SAMD11: variants seen among roughly 807,000 people sequenced by gnomAD.
SAMD11 encodes sterile alpha motif domain-containing protein 11.
SAMD11 carries 77 observed loss-of-function variants against 64.4 expected under a neutral mutation model. That is an observed-to-expected ratio of 1.20 (90% CI 0.99 to 1.44). The LOEUF (loss-of-function observed/expected upper bound fraction) is 1.44, where lower values mean the gene tolerates loss of function less well. Among genes scored for constraint, SAMD11 ranks in the 40% most tolerant of loss-of-function variants. SAMD11 has a pLI of 0.00. For synonymous variants in SAMD11, 658 were observed against 421.9 expected (o/e 1.56, Z -6.86); for missense variants, 1,402 against 943.3 (o/e 1.49, Z -6.37).
In SAMD11 at chr1:939,399, C is replaced by T. The variant is rs141207077; in HGVS notation, c.1182C>T (p.Gly394=). Residue 394 remains glycine (G), a synonymous_variant, in exon 7 of 14, where the codon GGC becomes GGT. Coordinates refer to ENST00000616016, the MANE Select transcript of SAMD11 (RefSeq NM_001385641.1). ...ACCCTCAGCGCCTCTACCACCTGGG[C>T]CTCCCCAGCCACGGTGAGGACCCAC... The part of the protein sequence containing the change: ...FEDPQRLYHL[G]LPSHDLLRVR... The T allele has an allele frequency of 6.0e-5, 87 of 1,442,292 alleles. 3 individuals are homozygous for T. In the African/African-American group the frequency reaches 7.2e-4, roughly 12 times the overall value. The allele number at this position is 1,442,292 out of a possible 1,614,324, so 89.3% of individuals were successfully genotyped here.
Position 943,697 on chromosome 1 carries a change from G to C in SAMD11, c.2179-1G>C. The C allele has an allele frequency of 6.4e-7, 1 of 1,568,588 alleles. No homozygotes were observed. The highest frequency in any genetic ancestry group is 8.7e-7 in the Non-Finnish European group (1 of 1,155,646). ...TGACCCTCCCTCCCTCCCCCTTCCA[G>C]GTCTTCAGGGAGCAGGGGATCGACG... On this transcript the variant is annotated splice_acceptor_variant, in intron 12 of 13. Coordinates refer to ENST00000616016, the MANE Select transcript of SAMD11 (RefSeq NM_001385641.1). LOFTEE classifies it high-confidence loss of function.
Position 944,031 on chromosome 1 carries a change from A to C in SAMD11, c.2413A>C (p.Thr805Pro), listed in dbSNP as rs890732763. ...LGTGEQPLSPTTATSPYGGGH... is the reference protein window; with the variant it reads ...LGTGEQPLSPPTATSPYGGGH... Reference sequence around the variant, plus strand: ...CACAGGAGAGCAGCCCTTGTCCCCCACGACGGCCACGTCCCCCTATGGAGG... The same window carrying C: ...CACAGGAGAGCAGCCCTTGTCCCCCCCGACGGCCACGTCCCCCTATGGAGG... Residue 805 changes from threonine to proline, a missense_variant, in exon 14 of 14, where the codon ACG becomes CCG. Coordinates refer to ENST00000616016, the MANE Select transcript of SAMD11 (RefSeq NM_001385641.1). 2 of 1,612,790 alleles carry C rather than the reference A, an allele frequency of 1.2e-6. No homozygotes were observed. Among genetic ancestry groups the C allele is most frequent in the East Asian group, 2.2e-5 (1 of 44,856 alleles).
rs1244664013 is a variant in SAMD11 at position 924,546 on chromosome 1, C to G, written c.115C>G (p.Pro39Ala). 6.6e-6 allele frequency: 1 copy of G among 150,698 alleles called. No individual in the cohort carries two copies. The highest frequency in any genetic ancestry group is 2.4e-5 in the African/African-American group (1 of 41,184). 9.3% of individuals were successfully genotyped at this position (150,698 alleles called of 1,614,324 possible). The change falls in exon 1 of 14, where the codon CCA (proline) becomes GCA (alanine). Residue 39 changes from proline to alanine, a missense_variant. Coordinates refer to ENST00000616016, the MANE Select transcript of SAMD11 (RefSeq NM_001385641.1). ...PLPPLPGYLA[P>A]LPAAAALPPA... ...GCCGCCGCTGCCAGGCTACCTGGCG[C>G]CACTGCCCGCGGCGGCCGCCCTCCC...
Position 941,278 on chromosome 1 carries a change from C to T in SAMD11, c.1330C>T (p.Pro444Ser). Residue 444 changes from proline to serine, a missense_variant, in exon 8 of 14, where the codon CCA becomes TCA. Transcript: ENST00000616016. ...GGCTCAGCACCGGGAGGGCGCCGCC[C>T]CAGCTGCCGCCCCGTCCTTCTCGGA... ...GLAQHREGAA[P>S]AAAPSFSERE... The T allele has an allele frequency of 6.3e-7, 1 of 1,595,022 alleles. No individual in the cohort carries two copies. Among genetic ancestry groups the T allele is most frequent in the Non-Finnish European group, 8.5e-7 (1 of 1,171,168 alleles).
intron 2 of SAMD11, among the ~76,000 whole-genome samples, chr1:926,814 C>T (rs374581713): frequency 1.3e-5 from 2 of 152,118 alleles, no homozygotes; most frequent in Admixed American, 6.5e-5. Flanking sequence ...CAATTAGGGC[C>T]ATGGCTGCTG....
At chr1:936,303 G>A (rs4504834) in intron 5 of SAMD11, among the ~76,000 whole-genome samples, 3,102 of 7,150 alleles carry the variant, frequency 0.43, 706 homozygotes, top group East Asian at 0.72. Context: ...CCTGGACGGA[G>A]GGGGTCCCCG....
At chr1:928,890 G>C (rs764598423) in intron 2 of SAMD11, among the ~76,000 whole-genome samples, 9 of 152,216 alleles carry the variant, frequency 5.9e-5, no homozygotes, top group Non-Finnish European at 1.0e-4. Flanking sequence ...GGTGGTTCTA[G>C]GTCTGAGGAG....
At chr1:930,750 G>C (rs1243779055) in intron 3 of SAMD11, among the ~76,000 whole-genome samples, 1 of 152,274 alleles carries the variant, frequency 6.6e-6, no homozygotes. Context: ...GCTCCTCTGA[G>C]TGCACGGCAA....
At chr1:929,233 T>A (rs1163926071) in intron 2 of SAMD11, among the ~76,000 whole-genome samples, 24 of 152,196 alleles carry the variant, frequency 1.6e-4, no homozygotes, top group Admixed American at 1.6e-3. Context: ...AGCTCGGGGC[T>A]CGGCTGTGCT....
At position 942,938 on chromosome 1, in the gene SAMD11, AG is replaced by A. The variant is rs1233424689; in HGVS notation, c.1938del (p.Thr648LeufsTer40). 3.6e-5 allele frequency: 56 copies of A among 1,552,494 alleles called. No homozygotes were observed. The highest frequency in any genetic ancestry group is 4.6e-5 in the Non-Finnish European group (53 of 1,149,856). On this transcript the variant is annotated frameshift_variant, in exon 11 of 14. Coordinates refer to ENST00000616016, the MANE Select transcript of SAMD11 (RefSeq NM_001385641.1). LOFTEE classifies it high-confidence loss of function. ...EDPETAAVGC[R>X]GPTPGQAPAG... ...CCCCGAGACGGCAGCTGTTGGGTGC[AG>A]GGGGCCCACTCCGGGCCAAGCTCCA...
intron 12 of SAMD11, 69 bp downstream of exon 12, chr1:943,446 A>G: frequency 1.5e-6 from 2 of 1,334,034 alleles, no homozygotes; most frequent in Non-Finnish European, 1.0e-6. Flanking sequence ...CCTGGAAAGG[A>G]TGGTGGGGTA....
intron 4 of SAMD11, among the ~76,000 whole-genome samples, chr1:932,082 C>T (rs1641192515): frequency 1.3e-5 from 2 of 152,260 alleles, no homozygotes; most frequent in South Asian, 4.1e-4. Context: ...GTCTGGATCT[C>T]AGAGCCGAAT....
chr1:941,974 C>T (rs1428581712), intron 8 of SAMD11, 162 bp from the exon 9 acceptor site: 3 of 370,370 alleles, frequency 8.1e-6, no homozygotes, highest in Admixed American at 4.6e-5. Context: ...TTAATTGGCG[C>T]CGCCGGCGGG....
chr1:940,947 T>G (rs1399573904), intron 7 of SAMD11, 197 bp from the exon 8 acceptor site: 1 of 528,010 alleles, frequency 1.9e-6, no homozygotes, highest in Non-Finnish European at 3.3e-6. Context: ...TCCCGACACT[T>G]CCTCGCCCAG....
intron 2 of SAMD11, among the ~76,000 whole-genome samples, chr1:929,888 G>A (rs1032825007): frequency 6.6e-6 from 1 of 152,188 alleles, no homozygotes; most frequent in African/African-American, 2.4e-5. Flanking sequence ...TCTGTAGGGG[G>A]ATGCCCAACT....
rs750509511 is a variant in SAMD11 at position 942,453 on chromosome 1, G to A, written c.1518G>A (p.Trp506Ter). ...CCGCGCAGGCGGAGATGTTCGCCTGGCAGCAGGAGCTCCTGCGGAAGCAGA... is the reference window on the plus strand; with the variant it reads ...CCGCGCAGGCGGAGATGTTCGCCTGACAGCAGGAGCTCCTGCGGAAGCAGA... Reference protein sequence around the residue: ...LPPAQAEMFAWQQELLRKQNL... With the variant: ...LPPAQAEMFA The change falls in exon 10 of 14, where the codon TGG (tryptophan) becomes TGA (stop). Residue 506 changes from tryptophan to a stop codon, truncating the protein, a stop_gained. Transcript: ENST00000616016. LOFTEE classifies it high-confidence loss of function. The A allele has an allele frequency of 6.7e-7, 1 of 1,488,096 alleles. No individual in the cohort carries two copies. The highest frequency in any genetic ancestry group is 1.3e-5 in the South Asian group (1 of 78,970). 92.2% of individuals were successfully genotyped at this position (1,488,096 alleles called of 1,614,324 possible).
chr1:937,861 G>T (rs1318607838), intron 5 of SAMD11, among the ~76,000 whole-genome samples: 1 of 152,248 alleles, frequency 6.6e-6, no homozygotes, highest in Non-Finnish European at 1.5e-5. Context: ...GGGATTGATC[G>T]GTGTGGCCGC....
At chr1:937,716 C>G (rs989651593) in intron 5 of SAMD11, among the ~76,000 whole-genome samples, 2 of 152,184 alleles carry the variant, frequency 1.3e-5, no homozygotes, top group African/African-American at 4.8e-5. Context: ...GCCCGCCGGG[C>G]CCAGCCACCC....
intron 2 of SAMD11, among the ~76,000 whole-genome samples, chr1:928,205 A>G (rs1034795072): frequency 6.7e-6 from 1 of 149,362 alleles, no homozygotes; most frequent in African/African-American, 2.4e-5. Flanking sequence ...CATCCTGACT[A>G]ACACGGTGAA....
Sources: allele counts gnomAD v4.1 joint callset (sites outside exome capture counted in the v4.1 genomes callset), GRCh38; gene constraint gnomAD v4.1.1; transcripts MANE v1.5; gene names NCBI Gene and HGNC (gene_info 2026-07-23, HGNC 2026-07-21).